The following ZNRF1 variants were observed in gnomAD, a reference collection of about 807,000 sequenced individuals.
ZNRF1 encodes the protein zinc and ring finger 1, also known as E3 ubiquitin-protein ligase ZNRF1.
A neutral mutation model predicts 18.4 loss-of-function variants in ZNRF1; 3 were observed. The ratio of observed to expected loss-of-function variants is 0.16; its 90% CI spans 0.07 to 0.42. ZNRF1 has a LOEUF of 0.42. Among genes scored for constraint, ZNRF1 ranks in the 10% least tolerant of loss-of-function variants. The pLI is 0.99. For missense variants in ZNRF1, 310 were observed against 329.8 expected (o/e 0.94, Z 0.47); for synonymous variants, 157 against 144.2 (o/e 1.09, Z -0.64).
At chr16:75,003,079 G>C (rs377208728) in intron 1 of ZNRF1, among the ~76,000 whole-genome samples, 2 of 152,096 alleles carry the variant, frequency 1.3e-5, no homozygotes, top group African/African-American at 4.8e-5. Flanking sequence ...TCAGCCTCCC[G>C]AGTAGCTGGG....
In ZNRF1 at chr16:75,006,529, G is replaced by T. The variant is rs114555861; in HGVS notation, c.424+6434G>T. ...GAGCTCACTGCAACGTCCACTTCCCGGGTTCAAGTGATTGGCCTGCCCCAG... is the reference window on the plus strand; with the variant it reads ...GAGCTCACTGCAACGTCCACTTCCCTGGTTCAAGTGATTGGCCTGCCCCAG... On this transcript the variant is annotated intron_variant, in intron 1 of 4. Transcript: ENST00000335325. Among the ~76,000 whole-genome samples, 1,071 of 152,274 alleles carry T rather than the reference G, an allele frequency of 7.0e-3. 10 individuals carry two copies. The highest frequency in any genetic ancestry group is 0.024 in the African/African-American group (979 of 41,558).
Position 75,059,342 on chromosome 16 carries a change from C to T in ZNRF1, c.425-34230C>T, listed in dbSNP as rs185646978. Among the ~76,000 whole-genome samples the T allele has an allele frequency of 1.2e-4, 18 of 148,650 alleles. No homozygotes were observed. The East Asian group carries it at 2.8e-3, about 23-fold the overall frequency. ...GGCTCACTGCAACCTCCACCTCCTC[C>T]GTTCAAGCGATTCTCCTGCCTCAGC... On this transcript the variant is annotated intron_variant, in intron 1 of 4. Coordinates refer to ENST00000335325, the MANE Select transcript of ZNRF1 (RefSeq NM_032268.5).
At chr16:75,003,100 TGCGCC>T (rs756311690) in intron 1 of ZNRF1, among the ~76,000 whole-genome samples, 63 of 152,286 alleles carry the variant, frequency 4.1e-4, no homozygotes, top group Non-Finnish European at 8.5e-4. Flanking sequence ...ATTACTGGCA[TGCGCC>T]ACCATGCCCA....
chr16:75,090,252 GATCTGCACATTTCT>G (rs1349643840), intron 1 of ZNRF1, among the ~76,000 whole-genome samples: 9 of 152,170 alleles, frequency 5.9e-5, no homozygotes, highest in Non-Finnish European at 1.0e-4. Context: ...TGTGACCCTG[GATCTGCACATTTCT>G]AAACTGAGTT....
chr16:75,010,233 T>C (rs2034976473), intron 1 of ZNRF1, among the ~76,000 whole-genome samples: 1 of 152,202 alleles, frequency 6.6e-6, no homozygotes, highest in African/African-American at 2.4e-5. Flanking sequence ...TCCACCCGCC[T>C]CAGCCTCCCA....
chr16:75,103,654 A>C (rs910865993), intron 2 of ZNRF1, among the ~76,000 whole-genome samples: 1 of 152,224 alleles, frequency 6.6e-6, no homozygotes, highest in Non-Finnish European at 1.5e-5. Context: ...AGGATAGAGC[A>C]TATGTTAGTC....
chr16:75,001,265 A>G (rs1451245905), intron 1 of ZNRF1, among the ~76,000 whole-genome samples: 4 of 151,996 alleles, frequency 2.6e-5, no homozygotes, highest in Non-Finnish European at 4.4e-5. Flanking sequence ...CTTTTGGGGT[A>G]TCTCTTTCCC....
chr16:75,088,953 G>A (rs974939986), intron 1 of ZNRF1, among the ~76,000 whole-genome samples: 6 of 152,180 alleles, frequency 3.9e-5, no homozygotes, highest in Admixed American at 2.0e-4. Flanking sequence ...CAAAGGAAAC[G>A]GTGATGGCAC....
chr16:75,024,280 C>T (rs1169497478), intron 1 of ZNRF1, among the ~76,000 whole-genome samples: 3 of 152,108 alleles, frequency 2.0e-5, no homozygotes, highest in Non-Finnish European at 4.4e-5. Flanking sequence ...AATTGAGGCT[C>T]GGAGTTTACT....
intron 1 of ZNRF1, among the ~76,000 whole-genome samples, chr16:75,080,573 C>A (rs768304132): frequency 2.0e-5 from 3 of 152,164 alleles, no homozygotes; most frequent in Admixed American, 6.5e-5. Flanking sequence ...TGTATAGATT[C>A]TCTGTGAAAG....
chr16:75,104,556 G>C (rs1334297169), intron 2 of ZNRF1: 8 of 406,160 alleles, frequency 2.0e-5, no homozygotes, highest in Non-Finnish European at 3.6e-5. Flanking sequence ...ATCACATGTT[G>C]AGATTAATCC....
At chr16:75,098,718 C>T (rs1378774947) in intron 2 of ZNRF1, among the ~76,000 whole-genome samples, 1 of 152,198 alleles carries the variant, frequency 6.6e-6, no homozygotes, top group Admixed American at 6.5e-5. Flanking sequence ...CCCTCTGACT[C>T]CCACCTTCCT....
chr16:75,032,197 T>C (rs991900554), intron 1 of ZNRF1, among the ~76,000 whole-genome samples: 9 of 147,760 alleles, frequency 6.1e-5, no homozygotes, highest in Admixed American at 4.8e-4. Context: ...ACACCCTCCG[T>C]CTCCTGGGTT....
intron 1 of ZNRF1, among the ~76,000 whole-genome samples, chr16:75,054,410 G>A (rs2035644021): frequency 6.6e-6 from 1 of 152,248 alleles, no homozygotes; most frequent in Non-Finnish European, 1.5e-5. Context: ...AGTTCTGTCT[G>A]CTTTGTTGAC....
At chr16:75,010,701 G>GTTTTTTTTTGTTGTTTTTTTTTTT (rs2034984510) in intron 1 of ZNRF1, among the ~76,000 whole-genome samples, 1 of 63,768 alleles carries the variant, frequency 1.6e-5, no homozygotes, top group Non-Finnish European at 3.1e-5. Flanking sequence ...GTACTGTACT[G>GTTTTTTTTTGTTGTTTTTTTTTTT]TTTTTTTTTG....
At chr16:75,026,189 G>C (rs1047650815) in intron 1 of ZNRF1, among the ~76,000 whole-genome samples, 6 of 151,912 alleles carry the variant, frequency 3.9e-5, no homozygotes, top group Non-Finnish European at 1.5e-5. Flanking sequence ...AGTTGTAAAA[G>C]AACTCTCATC....
chr16:75,098,164 G>C (rs1266555168), intron 2 of ZNRF1, among the ~76,000 whole-genome samples: 1 of 152,240 alleles, frequency 6.6e-6, no homozygotes, highest in African/African-American at 2.4e-5. Flanking sequence ...GCTCACCCAG[G>C]GTGTCCAGCT....
At position 75,090,976 on chromosome 16, in the gene ZNRF1, CCTG is replaced by C. The variant is rs2036130926; in HGVS notation, c.425-2595_425-2593del. ...ATGTTGCTCAGGCTAGTCTTGAACT[CCTG>C]AGCTCAAGTGATTTCCCCACCTTGG... is the stretch of plus-strand genomic sequence containing the variant. On this transcript the variant is annotated intron_variant, in intron 1 of 4. Coordinates refer to ENST00000335325, the MANE Select transcript of ZNRF1 (RefSeq NM_032268.5). Among the ~76,000 whole-genome samples, 3 of 152,100 alleles carry C rather than the reference CCTG, an allele frequency of 2.0e-5. No homozygotes were observed. The South Asian group carries it at 6.2e-4, about 32-fold the overall frequency.
At chr16:75,034,499 G>C (rs543935841) in intron 1 of ZNRF1, among the ~76,000 whole-genome samples, 1 of 152,130 alleles carries the variant, frequency 6.6e-6, no homozygotes, top group Non-Finnish European at 1.5e-5. Flanking sequence ...AACACATTTT[G>C]TTTGTCCCCA....
Sources: allele counts gnomAD v4.1 joint callset (sites outside exome capture counted in the v4.1 genomes callset), GRCh38; gene constraint gnomAD v4.1.1; transcripts MANE v1.5; gene names NCBI Gene and HGNC (gene_info 2026-07-23, HGNC 2026-07-21).